The following RBFOX1 variants were observed in gnomAD, a reference collection of about 807,000 sequenced individuals.
RBFOX1 encodes the protein RNA binding fox-1 homolog 1.
In RBFOX1, 8 loss-of-function variants were observed where a neutral mutation model predicts 57.7. The observed-to-expected ratio is 0.14, with a 90% CI of 0.08 to 0.25. RBFOX1 has a LOEUF of 0.25. RBFOX1 is among the 10% of genes least tolerant of loss of function. RBFOX1 has a pLI of 1.00. For missense variants in RBFOX1, 611 were observed against 548.5 expected (o/e 1.11, Z -1.14); for synonymous variants, 326 against 222.4 (o/e 1.47, Z -4.15).
intron 3 of RBFOX1, among the ~76,000 whole-genome samples, chr16:5,768,498 G>C (rs1258148192): frequency 1.3e-5 from 2 of 152,196 alleles, no homozygotes; most frequent in Admixed American, 1.3e-4. Flanking sequence ...ACAGGGAATA[G>C]CTACAGGTGC....
chr16:6,281,497 G>A (rs545212551), intron 1 of RBFOX1, among the ~76,000 whole-genome samples: 1 of 152,016 alleles, frequency 6.6e-6, no homozygotes, highest in Non-Finnish European at 1.5e-5. Flanking sequence ...AGCTTCCACC[G>A]AGGGTGTGGG....
At chr16:7,044,887 G>C (rs1434076464) in intron 3 of RBFOX1, among the ~76,000 whole-genome samples, 1 of 152,070 alleles carries the variant, frequency 6.6e-6, no homozygotes, top group South Asian at 2.1e-4. Context: ...CTCCCATAAT[G>C]GTTATGGAGA....
chr16:5,946,188 C>T lies in RBFOX1; in HGVS notation c.351+78853C>T, dbSNP rs117990389. Among the ~76,000 whole-genome samples, 1,104 of 152,234 alleles carry T rather than the reference C, an allele frequency of 7.3e-3. 6 individuals are homozygous for T. Among genetic ancestry groups the T allele is most frequent in the Non-Finnish European group, 0.012 (786 of 68,012 alleles). ...TGTGATGGAAAGTGCACAGACGGCC[C>T]GAGGTGGGGGCCAGGCTCTGCCACA... is the stretch of plus-strand genomic sequence containing the variant. On this transcript the variant is annotated intron_variant, in intron 4 of 19. Transcript: ENST00000641259. The surrounding 1 kb of genome is among the most constrained non-coding windows in gnomAD (Gnocchi z 4.6).
intron 2 of RBFOX1, among the ~76,000 whole-genome samples, chr16:6,378,038 GTCT>G (rs2091391907): frequency 6.6e-6 from 1 of 152,132 alleles, no homozygotes; most frequent in Admixed American, 6.5e-5. Context: ...GCGTCCTCTG[GTCT>G]TCTAGCATCC....
intron 4 of RBFOX1, among the ~76,000 whole-genome samples, chr16:5,977,579 C>T (rs2060090451): frequency 6.6e-6 from 1 of 152,204 alleles, no homozygotes; most frequent in South Asian, 2.1e-4. Flanking sequence ...GCCCTTGAAA[C>T]AGCCTCCAGC....
intron 14 of RBFOX1, among the ~76,000 whole-genome samples, chr16:7,698,895 G>A (rs2079689317): frequency 2.0e-5 from 3 of 152,184 alleles, no homozygotes; most frequent in Admixed American, 2.0e-4. Flanking sequence ...CAATCAATTT[G>A]TGAAAATTAA....
At chr16:5,902,004 A>G (rs1340553375) in intron 4 of RBFOX1, among the ~76,000 whole-genome samples, 1 of 152,080 alleles carries the variant, frequency 6.6e-6, no homozygotes, top group Non-Finnish European at 1.5e-5. Flanking sequence ...GTAACTTCCC[A>G]TTATTACTCA....
intron 2 of RBFOX1, among the ~76,000 whole-genome samples, chr16:6,601,699 C>T (rs1446646843): frequency 5.3e-5 from 8 of 152,114 alleles, no homozygotes; most frequent in Non-Finnish European, 1.2e-4. Context: ...GTAGGAGAGG[C>T]TTCATCTTAA....
intron 2 of RBFOX1, among the ~76,000 whole-genome samples, chr16:6,593,257 A>T (rs536307904): frequency 6.6e-6 from 1 of 152,114 alleles, no homozygotes; most frequent in African/African-American, 2.4e-5. Context: ...TCTCTGCCCT[A>T]CTGGATCTCA....
intron 1 of RBFOX1, among the ~76,000 whole-genome samples, chr16:6,099,860 T>C (rs2096283546): frequency 6.6e-6 from 1 of 152,186 alleles, no homozygotes; most frequent in African/African-American, 2.4e-5. Flanking sequence ...ATAACAAATA[T>C]TTTACTTCCA....
intron 10 of RBFOX1, among the ~76,000 whole-genome samples, chr16:7,630,268 C>G (rs1039360558): frequency 2.0e-5 from 3 of 152,076 alleles, no homozygotes; most frequent in Non-Finnish European, 4.4e-5. Flanking sequence ...GGCTTACTAT[C>G]TAGCTCCCTC....
At chr16:6,641,847 G>A (rs1408211457) in intron 2 of RBFOX1, among the ~76,000 whole-genome samples, 4 of 148,652 alleles carry the variant, frequency 2.7e-5, no homozygotes, top group Non-Finnish European at 4.4e-5. Flanking sequence ...TCGCTAACGT[G>A]TTTCCTTCTT....
At chr16:7,360,504 C>G (rs1185856411) in intron 4 of RBFOX1, among the ~76,000 whole-genome samples, 2 of 152,194 alleles carry the variant, frequency 1.3e-5, no homozygotes, top group Non-Finnish European at 2.9e-5. Flanking sequence ...ATCCTAGCTA[C>G]AACCTTCCTG....
At chr16:6,446,685 ATTAAT>A (rs2094492757) in intron 2 of RBFOX1, among the ~76,000 whole-genome samples, 1 of 152,188 alleles carries the variant, frequency 6.6e-6, no homozygotes, top group Non-Finnish European at 1.5e-5. Flanking sequence ...TACTATTCTA[ATTAAT>A]TTAAGTTAAT....
intron 5 of RBFOX1, among the ~76,000 whole-genome samples, chr16:7,525,010 A>G (rs1254457303): frequency 6.6e-6 from 1 of 152,164 alleles, no homozygotes; most frequent in East Asian, 1.9e-4. Context: ...AATACCCACA[A>G]CCCAAATTCT....
intron 4 of RBFOX1, among the ~76,000 whole-genome samples, chr16:7,067,342 C>T (rs9930626): frequency 4.6e-5 from 7 of 151,604 alleles, no homozygotes; most frequent in African/African-American, 1.5e-4. Context: ...CACAAATTTA[C>T]TATTCTGCAG....
intron 2 of RBFOX1, among the ~76,000 whole-genome samples, chr16:6,358,299 C>G (rs374730801): frequency 6.6e-6 from 1 of 152,192 alleles, no homozygotes; most frequent in Non-Finnish European, 1.5e-5. Flanking sequence ...GTTACCCCTC[C>G]TCCAAAATCA....
chr16:7,035,120 T>G (rs910667312), intron 3 of RBFOX1, among the ~76,000 whole-genome samples: 1 of 151,908 alleles, frequency 6.6e-6, no homozygotes, highest in African/African-American at 2.4e-5. Flanking sequence ...AGTGCTGGGA[T>G]TACAGGTGTG....
chr16:7,321,125 A>T lies in RBFOX1; in HGVS notation c.28-197022A>T, dbSNP rs368313365. Among the ~76,000 whole-genome samples the T allele has an allele frequency of 3.6e-3, 458 of 128,298 alleles. 4 individuals carry two copies. Among genetic ancestry groups the T allele is most frequent in the African/African-American group, 0.012 (437 of 35,616 alleles). 84.2% of individuals were successfully genotyped at this position (128,298 alleles called of 152,430 possible). A position where few individuals can be genotyped will look rare whatever the true frequency, so the allele number is the denominator to read the frequency against. On this transcript the variant is annotated intron_variant, in intron 4 of 15. Coordinates refer to ENST00000550418, the MANE Select transcript of RBFOX1 (RefSeq NM_018723.4). ...CATATACATATACATATACATATAC[A>T]TATACTTATACTTATATTGTTTGTT... is the stretch of plus-strand genomic sequence containing the variant.
Sources: allele counts gnomAD v4.1 joint callset (sites outside exome capture counted in the v4.1 genomes callset), GRCh38; gene constraint gnomAD v4.1.1; non-coding constraint Gnocchi (gnomAD v3.1); transcripts MANE v1.5; gene names NCBI Gene and HGNC (gene_info 2026-07-23, HGNC 2026-07-21).